Variants in ZNF568 observed in about 807,000 individuals in gnomAD.
ZNF568 encodes the protein p53 inhibitor of SCO2 activation.
ZNF568 carries 11 observed loss-of-function variants against 18.1 expected under a neutral mutation model. That is an observed-to-expected ratio of 0.61 (90% CI 0.38 to 1.00). The LOEUF is 1.00. Among genes scored for constraint, ZNF568 ranks in the 50% least tolerant of loss-of-function variants. The pLI is 0.01. For synonymous variants in ZNF568, 213 were observed against 246.6 expected (o/e 0.86, Z 1.28); for missense variants, 639 against 768.2 (o/e 0.83, Z 1.99).
At chr19:36,969,359 A>C (rs1395716098) in intron 6 of ZNF568, among the ~76,000 whole-genome samples, 1 of 152,190 alleles carries the variant, frequency 6.6e-6, no homozygotes, top group East Asian at 1.9e-4. Context: ...GAAGGAATGC[A>C]AAAGTTCTAT....
intron 6 of ZNF568, among the ~76,000 whole-genome samples, chr19:36,962,286 T>TTA (rs1555736286): frequency 6.9e-6 from 1 of 144,186 alleles, no homozygotes; most frequent in Non-Finnish European, 1.5e-5. Flanking sequence ...TGTTTTTTTT[T>TTA]TTTTTTTTTT....
intron 6 of ZNF568, among the ~76,000 whole-genome samples, chr19:36,941,983 ATT>A (rs4006373): frequency 1.0e-4 from 14 of 138,176 alleles, no homozygotes; most frequent in Admixed American, 2.9e-4. Context: ...TGCTCTGTAA[ATT>A]TTTTTTTTTT....
chr19:36,962,677 A>C (rs2074164590), intron 6 of ZNF568, among the ~76,000 whole-genome samples: 1 of 152,078 alleles, frequency 6.6e-6, no homozygotes, highest in Non-Finnish European at 1.5e-5. Context: ...AGTGGTAACA[A>C]ATTTCCTTAG....
At chr19:36,985,936 T>C (rs917245283) in intron 2 of ZNF568, among the ~76,000 whole-genome samples, 2 of 152,212 alleles carry the variant, frequency 1.3e-5, no homozygotes, top group African/African-American at 4.8e-5. Context: ...GGTGCTGCTT[T>C]ATTTTTGACT....
chr19:36,936,731 ATTAT>A lies in ZNF568; in HGVS notation c.136-14_136-11del. 1 of 1,609,210 alleles carries A rather than the reference ATTAT, an allele frequency of 6.2e-7. No individual in the cohort carries two copies. The highest frequency in any genetic ancestry group is 1.1e-5 in the South Asian group (1 of 90,670). ...TTTTGATGACTTCAAATTAATTAGC[ATTAT>A]GTTTTTACAGGAAACAGTGACATTT... On this transcript the variant is annotated splice_polypyrimidine_tract_variant and intron_variant, in intron 4 of 6. Transcript: ENST00000333987.
chr19:36,948,853 C>G (rs1289817157), intron 6 of ZNF568, among the ~76,000 whole-genome samples: 1 of 151,974 alleles, frequency 6.6e-6, no homozygotes, highest in Non-Finnish European at 1.5e-5. Flanking sequence ...TTGCCTTGTG[C>G]TTGTTTATCC....
chr19:36,936,451 G>A (rs1459980640), intron 4 of ZNF568, among the ~76,000 whole-genome samples: 2 of 152,120 alleles, frequency 1.3e-5, no homozygotes, highest in East Asian at 3.9e-4. Context: ...TTGCTCTGAA[G>A]ATTCTCTCTT....
chr19:36,997,090 A>G, exon 5 of ZNF568: 6 of 1,564,816 alleles, frequency 3.8e-6, no homozygotes, highest in Non-Finnish European at 5.2e-6. Flanking sequence ...CACACAGCTG[A>G]GCCTTCATCA....
chr19:36,996,516 T>A lies in ZNF568; in HGVS notation c.429T>A (p.Tyr143Ter). 1 of 1,536,206 alleles carries A rather than the reference T, an allele frequency of 6.5e-7. No homozygotes were observed. Among genetic ancestry groups the A allele is most frequent in the Middle Eastern group, 1.7e-4 (1 of 5,994 alleles). The change falls in exon 5 of 5, where the codon TAT becomes TAA. Residue 143 changes from tyrosine (Y) to a stop codon, truncating the protein, a stop_gained. Transcript: ENST00000433993. LOFTEE classifies it low-confidence loss of function (END_TRUNC). The stretch of plus-strand genomic sequence containing the variant: ...TGCAGTGCACAGCCCATAGAGAATA[T>A]CAGTGGCTTCATACTGGAGAGAAAT...
At position 36,950,107 on chromosome 19, in the gene ZNF568, A is replaced by G. The variant is rs1433411042; in HGVS notation, c.954A>G (p.Lys318=). Residue 318 remains lysine, a synonymous_variant, in exon 7 of 7, where the codon AAA becomes AAG. Transcript: ENST00000333987. ...CKDCWKAFSQ[K]SNLIEHERIH... ...ATTGTTGGAAAGCCTTCAGTCAGAA[A>G]TCAAATCTCATTGAACATGAGCGAA... The G allele has an allele frequency of 6.2e-7, 1 of 1,613,730 alleles. No individual in the cohort carries two copies. The highest frequency in any genetic ancestry group is 1.3e-5 in the African/African-American group (1 of 74,876).
chr19:36,991,800 A>C (rs1568409970), exon 4 of ZNF568: 2 of 1,581,716 alleles, frequency 1.3e-6, no homozygotes, highest in Non-Finnish European at 1.7e-6. Context: ...AGCAGAAGAA[A>C]GAGCCCTGGA....
intron 7 of ZNF568, among the ~76,000 whole-genome samples, chr19:36,975,717 C>T (rs2074405639): frequency 1.0e-5 from 1 of 100,238 alleles, no homozygotes. Context: ...CAGAGTCTTG[C>T]TCTGTCACTC....
Position 36,936,800 on chromosome 19 carries a change from C to T in ZNF568, c.190C>T (p.Gln64Ter), listed in dbSNP as rs944230892. Residue 64 changes from glutamine to a stop codon, truncating the protein, a stop_gained, in exon 5 of 7, where the codon CAA (glutamine) becomes TAA (stop). Coordinates refer to ENST00000333987, the MANE Select transcript of ZNF568 (RefSeq NM_198539.4). LOFTEE classifies it high-confidence loss of function. ...TGACCTTACCCAGGAGGAGTGGGAG[C>T]AAATGAAACCTGCTCAAAGAAACTT... ...AVDLTQEEWEQMKPAQRNLYR... is the reference protein window; with the variant it reads ...AVDLTQEEWE 6.2e-7 allele frequency: 1 copy of T among 1,613,886 alleles called. No homozygotes were observed. The highest frequency in any genetic ancestry group is 8.5e-7 in the Non-Finnish European group (1 of 1,179,832).
chr19:36,954,792 G>A (rs1258373007), downstream of ZNF568, among the ~76,000 whole-genome samples: 2 of 150,642 alleles, frequency 1.3e-5, no homozygotes, highest in Admixed American at 6.6e-5. Flanking sequence ...TGGCCAGGCT[G>A]GTCTCGAATC....
chr19:36,944,073 T>C (rs1204895788), intron 6 of ZNF568, among the ~76,000 whole-genome samples: 2 of 151,814 alleles, frequency 1.3e-5, no homozygotes, highest in Admixed American at 6.6e-5. Flanking sequence ...AGCTTTTAAG[T>C]GGACAGAGCT....
At chr19:36,933,924 G>GTTTTTTTTTTT (rs140279289) in intron 4 of ZNF568, among the ~76,000 whole-genome samples, 13 of 29,918 alleles carry the variant, frequency 4.3e-4, no homozygotes, top group African/African-American at 1.5e-3. Flanking sequence ...TTGTTTTTTT[G>GTTTTTTTTTTT]TTTTTTTTTT....
chr19:36,929,148 C>T (rs917751718), intron 4 of ZNF568, among the ~76,000 whole-genome samples: 1 of 152,070 alleles, frequency 6.6e-6, no homozygotes, highest in African/African-American at 2.4e-5. Context: ...TAAAAAGTTG[C>T]CAGTCAACAT....
chr19:36,971,124 T>C (rs1600841113), intron 6 of ZNF568, among the ~76,000 whole-genome samples: 1 of 151,932 alleles, frequency 6.6e-6, no homozygotes, highest in African/African-American at 2.4e-5. Context: ...TCCCAGTTAC[T>C]TGGGAGGCTG....
At chr19:36,937,695 G>C (rs557341227) in intron 6 of ZNF568, among the ~76,000 whole-genome samples, 1 of 151,754 alleles carries the variant, frequency 6.6e-6, no homozygotes, top group African/African-American at 2.4e-5. Flanking sequence ...TTTGTGTTTG[G>C]TTAACAATAG....
Sources: allele counts gnomAD v4.1 joint callset (sites outside exome capture counted in the v4.1 genomes callset), GRCh38; gene constraint gnomAD v4.1.1; transcripts MANE v1.5; gene names NCBI Gene and HGNC (gene_info 2026-07-23, HGNC 2026-07-21).